The following SAMD14 variants were observed in gnomAD, a reference collection of about 807,000 sequenced individuals.
SAMD14 encodes sterile alpha motif domain-containing protein 14.
Under a neutral mutation model 46.2 loss-of-function variants are expected in SAMD14, and 27 were observed. The observed-to-expected ratio is 0.58, with a 90% CI of 0.43 to 0.81. The LOEUF (loss-of-function observed/expected upper bound fraction) is 0.81. Ranked by LOEUF, SAMD14 falls within the 30% of genes least tolerant of loss-of-function variation. The pLI, the probability that SAMD14 is intolerant of heterozygous loss-of-function variation, is 0.00. For missense variants in SAMD14, 559 were observed against 582.2 expected, an observed-to-expected ratio of 0.96 and a Z score of 0.41; for synonymous variants, 241 against 254.3, an observed-to-expected ratio of 0.95 and a Z score of 0.50.
At position 50,110,219 on chromosome 17, in the gene SAMD14, T is replaced by A; in HGVS notation, c.*2674A>T. On this transcript the variant is annotated 3_prime_UTR_variant, in exon 10 of 10. Transcript: ENST00000330175. ...GGTTCTCCCTGATGACCAGGTTCTG[T>A]CTCTATGGAAGTCACTGCGGTGATA... The A allele has an allele frequency of 8.9e-7, 1 of 1,125,166 alleles. No homozygotes were observed. Among genetic ancestry groups the A allele is most frequent in the Non-Finnish European group, 1.2e-6 (1 of 812,538 alleles). 69.7% of individuals were successfully genotyped at this position (1,125,166 alleles called of 1,614,324 possible). A position where few individuals can be genotyped will look rare whatever the true frequency, so the allele number is the denominator to read the frequency against.
In SAMD14 at chr17:50,115,922, G is replaced by A. The variant is rs1911171502; in HGVS notation, c.588-18C>T. ...GGGTGACCCTGTGGGGAGGCAGCAG[G>A]AAGTGGGGCAGGGCTGCCCACTGTG... On this transcript the variant is annotated intron_variant, in intron 5 of 9. Transcript: ENST00000330175. This position sits in a 1 kb window ranked among gnomAD's most constrained non-coding sequence, Gnocchi z 5.3. 2 of 1,612,964 alleles carry A rather than the reference G, an allele frequency of 1.2e-6. No individual in the cohort carries two copies. The highest frequency in any genetic ancestry group is 1.7e-6 in the Non-Finnish European group (2 of 1,179,580).
chr17:50,118,129 G>A, intron 3 of SAMD14, 32 bp downstream of exon 3: 1 of 1,541,880 alleles, frequency 6.5e-7, no homozygotes, highest in Non-Finnish European at 8.8e-7. Flanking sequence ...GGGGTGGGAG[G>A]GTGTATATGT....
In SAMD14 at chr17:50,124,769, G is replaced by GCACACACACA. The variant is rs779175185; in HGVS notation, c.43+147_43+148insTGTGTGTGTG. ...AATACCTGCACGCGTGCACGCGCGC[G>GCACACACACA]CGCACACACACACACACACACACAC... On this transcript the variant is annotated intron_variant, in intron 2 of 9. Coordinates refer to ENST00000330175, the MANE Select transcript of SAMD14 (RefSeq NM_001257359.2). 1.0e-4 allele frequency: 48 copies of GCACACACACA among 477,208 alleles called. No individual in the cohort carries two copies. In the African/African-American group the frequency reaches 1.1e-3, roughly 11 times the overall value. The allele number at this position is 477,208 out of a possible 1,614,324, so 29.6% of individuals were successfully genotyped here.
At chr17:50,118,135 T>A (rs1200841400) in intron 3 of SAMD14, 26 bp downstream of exon 3, 2 of 1,563,016 alleles carry the variant, frequency 1.3e-6, no homozygotes, top group Non-Finnish European at 1.7e-6. Flanking sequence ...GGAGGGTGTA[T>A]ATGTGTTTTC....
rs1038523917 is a variant in SAMD14, at chr17:50,112,619, C to T, written c.*274G>A. The stretch of plus-strand genomic sequence containing the variant: ...CAGACTTGCCTCAGCCCTGGCCTCT[C>T]TGCCCTCTCCCCTTCATCTGCTCCT... On this transcript the variant is annotated 3_prime_UTR_variant, in exon 10 of 10. Transcript: ENST00000330175. 8.7e-6 allele frequency: 3 copies of T among 345,936 alleles called. No homozygotes were observed. The highest frequency in any genetic ancestry group is 1.6e-5 in the Non-Finnish European group (3 of 190,382). 21.4% of individuals were successfully genotyped at this position (345,936 alleles called of 1,614,324 possible).
At chr17:50,124,148 G>A (rs191933028) in intron 2 of SAMD14, 8 of 456,216 alleles carry the variant, frequency 1.8e-5, no homozygotes, top group Admixed American at 4.7e-5. Flanking sequence ...CCGGAATCCC[G>A]CTGGGAAACC....
In SAMD14 at chr17:50,110,820, C is replaced by T. The variant is rs1027709329; in HGVS notation, c.*2073G>A. 1.3e-4 allele frequency: 20 copies of T among 152,286 alleles called. No individual in the cohort carries two copies. The highest frequency in any genetic ancestry group is 4.8e-4 in the African/African-American group (20 of 41,414). 9.4% of individuals were successfully genotyped at this position (152,286 alleles called of 1,614,324 possible). Reference sequence around the variant, plus strand: ...GTCCTCACATGCTCATGCCCACCCGCTCCTCCACAAGCCTAGTCCATCCTG... The same window carrying T: ...GTCCTCACATGCTCATGCCCACCCGTTCCTCCACAAGCCTAGTCCATCCTG... On this transcript the variant is annotated 3_prime_UTR_variant, in exon 10 of 10. Coordinates refer to ENST00000330175, the MANE Select transcript of SAMD14 (RefSeq NM_001257359.2).
intron 4 of SAMD14, among the ~76,000 whole-genome samples, chr17:50,116,555 G>C (rs115188673): frequency 0.016 from 2,361 of 151,378 alleles, 54 homozygotes; most frequent in African/African-American, 0.054. Flanking sequence ...ACAGGCGCCC[G>C]CCACCACACC....
chr17:50,124,116 A>G (rs1246259248), intron 2 of SAMD14: 1 of 456,216 alleles, frequency 2.2e-6, no homozygotes, highest in Non-Finnish European at 4.4e-6. Context: ...TCCTTTGCTC[A>G]GGACTCCTCC....
At chr17:50,122,052 A>G (rs1911528916) in intron 2 of SAMD14, among the ~76,000 whole-genome samples, 1 of 152,180 alleles carries the variant, frequency 6.6e-6, no homozygotes, top group Admixed American at 6.5e-5. Flanking sequence ...GATCAACTGA[A>G]TTGCTTATAC....
intron 2 of SAMD14, among the ~76,000 whole-genome samples, chr17:50,121,565 G>A (rs191667919): frequency 1.1e-4 from 17 of 152,254 alleles, no homozygotes; most frequent in Non-Finnish European, 1.6e-4. Flanking sequence ...TGATCTGCCC[G>A]CCTTGGCCTC....
chr17:50,124,767 GCGCGCA>G (rs1911678698), intron 2 of SAMD14, 144 bp downstream of exon 2: 17 of 498,642 alleles, frequency 3.4e-5, no homozygotes, highest in African/African-American at 2.6e-4. Flanking sequence ...GTGCACGCGC[GCGCGCA>G]CACACACACA....
At chr17:50,119,419 C>G (rs1911396541) in intron 2 of SAMD14, among the ~76,000 whole-genome samples, 1 of 152,116 alleles carries the variant, frequency 6.6e-6, no homozygotes, top group South Asian at 2.1e-4. Context: ...CTCAGGGGCC[C>G]TATTCTGTCA....
At chr17:50,125,159 G>A (rs1282350777) in intron 1 of SAMD14, 188 bp from the exon 2 acceptor site, 2 of 585,520 alleles carry the variant, frequency 3.4e-6, no homozygotes, top group Non-Finnish European at 6.0e-6. Flanking sequence ...TGGGCGCCGG[G>A]GCAGGCAGTA....
At chr17:50,125,626 A>G (rs1265579054) in intron 1 of SAMD14, among the ~76,000 whole-genome samples, 1 of 152,054 alleles carries the variant, frequency 6.6e-6, no homozygotes, top group African/African-American at 2.4e-5. Flanking sequence ...CCATCTGTCC[A>G]TCCACCTATC....
chr17:50,113,706 A>T, intron 9 of SAMD14: 1 of 584,306 alleles, frequency 1.7e-6, no homozygotes. Flanking sequence ...GTCATGGACT[A>T]GAGTTTCAAG....
Position 50,110,199 on chromosome 17 carries a change from T to C in SAMD14, c.*2694A>G. On this transcript the variant is annotated 3_prime_UTR_variant, in exon 10 of 10. Coordinates refer to ENST00000330175, the MANE Select transcript of SAMD14 (RefSeq NM_001257359.2). ...TCCTGGGGGAGCAGGGGGTGGGTTC[T>C]CCCTGATGACCAGGTTCTGTCTCTA... The C allele has an allele frequency of 7.8e-7, 1 of 1,282,410 alleles. No individual in the cohort carries two copies. The highest frequency in any genetic ancestry group is 1.1e-6 in the Non-Finnish European group (1 of 948,002). The allele number at this position is 1,282,410 out of a possible 1,614,324, so 79.4% of individuals were successfully genotyped here.
At chr17:50,114,489 T>A in intron 7 of SAMD14, 183 bp from the exon 8 acceptor site, 1 of 1,566,188 alleles carries the variant, frequency 6.4e-7, no homozygotes. Context: ...ACCTGAAGCC[T>A]TTGGGAGAGC....
chr17:50,115,929 G>T lies in SAMD14; in HGVS notation c.588-25C>A. On this transcript the variant is annotated intron_variant, in intron 5 of 9. Transcript: ENST00000330175. The surrounding 1 kb of genome is among the most constrained non-coding windows in gnomAD (Gnocchi z 5.3). ...CCTGTGGGGAGGCAGCAGGAAGTGG[G>T]GCAGGGCTGCCCACTGTGCTACCCC... is the stretch of plus-strand genomic sequence containing the variant. 1.9e-6 allele frequency: 3 copies of T among 1,613,006 alleles called. No individual in the cohort carries two copies. The highest frequency in any genetic ancestry group is 2.5e-6 in the Non-Finnish European group (3 of 1,179,538).
Sources: allele counts gnomAD v4.1 joint callset (sites outside exome capture counted in the v4.1 genomes callset), GRCh38; gene constraint gnomAD v4.1.1; non-coding constraint Gnocchi (gnomAD v3.1); transcripts MANE v1.5; gene names NCBI Gene and HGNC (gene_info 2026-07-23, HGNC 2026-07-21).